Variants in DGCR8 observed in about 807,000 individuals in gnomAD.
DGCR8 encodes the protein microprocessor complex subunit DGCR8.
Under a neutral mutation model 78.5 loss-of-function variants are expected in DGCR8, and 14 were observed. That is an observed-to-expected ratio of 0.18 (90% CI 0.12 to 0.28). The LOEUF is 0.28. DGCR8 is among the 10% of genes least tolerant of loss of function. The pLI is 1.00. For missense variants in DGCR8, 702 were observed against 1,022.5 expected, an observed-to-expected ratio of 0.69 and a Z score of 4.28; for synonymous variants, 399 against 402.4, an observed-to-expected ratio of 0.99 and a Z score of 0.10.
intron 13 of DGCR8, among the ~76,000 whole-genome samples, chr22:20,109,373 C>T (rs1400998410): frequency 6.6e-6 from 1 of 152,140 alleles, no homozygotes; most frequent in African/African-American, 2.4e-5. Context: ...ACCTTGGGAA[C>T]CCCACTCAAA....
At chr22:20,094,877 C>T (rs972546099) in intron 9 of DGCR8, 82 bp downstream of exon 9, 15 of 1,257,602 alleles carry the variant, frequency 1.2e-5, no homozygotes, top group East Asian at 2.3e-5. Context: ...TGGGGGTGTC[C>T]GTGGGCTGTG....
In DGCR8 at chr22:20,092,809, A is replaced by G; in HGVS notation, c.1607A>G (p.Glu536Gly). ...VRPVYNFFEC[E>G]NPSEPFGASV... ...TAAAACAAGTAATTTTAATTTTAAG[A>G]GAACCCAAGTGAGCCTTTTGGTGCC... is the stretch of plus-strand genomic sequence containing the variant. Residue 536 changes from glutamate (E) to glycine (G), a missense_variant and splice_region_variant, in exon 8 of 14, where the codon GAG (glutamate) becomes GGG (glycine). Transcript: ENST00000351989. 1 of 1,611,248 alleles carries G rather than the reference A, an allele frequency of 6.2e-7. No homozygotes were observed. The highest frequency in any genetic ancestry group is 2.2e-5 in the East Asian group (1 of 44,818).
chr22:20,089,552 G>T lies in DGCR8; in HGVS notation c.881-117G>T. 8.7e-7 allele frequency: 1 copy of T among 1,148,766 alleles called. No homozygotes were observed. The highest frequency in any genetic ancestry group is 2.0e-5 in the Admixed American group (1 of 51,254). 71.2% of individuals were successfully genotyped at this position (1,148,766 alleles called of 1,614,324 possible). Reference sequence around the variant, plus strand: ...AGGCAGAGAGGAATTTCGATTATCTGTGAAGACCCAGTTAAACACATGCTA... The same window carrying T: ...AGGCAGAGAGGAATTTCGATTATCTTTGAAGACCCAGTTAAACACATGCTA... On this transcript the variant is annotated intron_variant, in intron 3 of 13. Transcript: ENST00000351989. The surrounding 1 kb of genome is among the most constrained non-coding windows in gnomAD (Gnocchi z 4.9).
Position 20,086,190 on chromosome 22 carries a change from C to G in DGCR8, c.227C>G (p.Ser76Cys). 6.2e-7 allele frequency: 1 copy of G among 1,614,192 alleles called. No individual in the cohort carries two copies. The change falls in exon 2 of 14, where the codon TCC becomes TGC. Residue 76 changes from serine to cysteine, a missense_variant. Transcript: ENST00000351989. This position sits in a 1 kb window ranked among gnomAD's most constrained non-coding sequence, Gnocchi z 6.4. Reference sequence around the variant, plus strand: ...AACTTCTACGGAGCTTCTCTTCTCTCCAAAGGATCCTTCTCTAAGGGCCGC... The same window carrying G: ...AACTTCTACGGAGCTTCTCTTCTCTGCAAAGGATCCTTCTCTAAGGGCCGC... ...PFNFYGASLL[S>C]KGSFSKGRLL... is the part of the protein sequence containing the mutation.
At chr22:20,091,313 G>C in intron 5 of DGCR8, 122 bp from the exon 6 acceptor site, 1 of 962,094 alleles carries the variant, frequency 1.0e-6, no homozygotes, top group South Asian at 1.5e-5. Context: ...CCTCCCCTTT[G>C]AAAGGGACGG....
Position 20,110,187 on chromosome 22 carries a change from A to G in DGCR8, c.*79A>G. The G allele has an allele frequency of 1.4e-6, 2 of 1,453,676 alleles. No individual in the cohort carries two copies. The highest frequency in any genetic ancestry group is 1.9e-6 in the Non-Finnish European group (2 of 1,054,232). The allele number at this position is 1,453,676 out of a possible 1,614,324, so 90.0% of individuals were successfully genotyped here. A position where few individuals can be genotyped will look rare whatever the true frequency, so the allele number is the denominator to read the frequency against. ...CCAGCAGTCATGCATCGTGCACCAC[A>G]GTGTCAGGCCTCCAACCCACGCTCC... is the stretch of plus-strand genomic sequence containing the variant. On this transcript the variant is annotated 3_prime_UTR_variant, in exon 14 of 14. Transcript: ENST00000351989.
intron 13 of DGCR8, 184 bp downstream of exon 13, chr22:20,109,187 TCA>T: frequency 2.0e-6 from 1 of 490,990 alleles, no homozygotes; most frequent in Non-Finnish European, 3.8e-6. Context: ...ATAAATCACT[TCA>T]GTTTTGGTTC....
chr22:20,104,577 C>T (rs1269044176), intron 9 of DGCR8, among the ~76,000 whole-genome samples: 2 of 152,148 alleles, frequency 1.3e-5, no homozygotes, highest in African/African-American at 4.8e-5. Context: ...TATGTGGGTT[C>T]TTGTGGGCCG....
intron 9 of DGCR8, chr22:20,101,467 A>G: frequency 1.2e-5 from 9 of 729,018 alleles, no homozygotes; most frequent in Non-Finnish European, 1.5e-5. Flanking sequence ...AGTCCCAGCT[A>G]CTCGGGAGGC....
intron 8 of DGCR8, 143 bp downstream of exon 8, chr22:20,093,050 G>GTA (rs1326267968): frequency 1.7e-6 from 1 of 603,238 alleles, no homozygotes; most frequent in African/African-American, 1.9e-5. Context: ...CATCTACTTT[G>GTA]ATTTTTAAAA....
At chr22:20,097,328 C>T (rs1012213888) in intron 9 of DGCR8, among the ~76,000 whole-genome samples, 1 of 152,194 alleles carries the variant, frequency 6.6e-6, no homozygotes, top group Non-Finnish European at 1.5e-5. Context: ...TCCAGAGCTA[C>T]TTAATTGCTA....
intron 9 of DGCR8, among the ~76,000 whole-genome samples, chr22:20,097,196 T>C (rs955150045): frequency 1.3e-5 from 2 of 152,206 alleles, no homozygotes; most frequent in Non-Finnish European, 2.9e-5. Context: ...CCTCATAAAA[T>C]GGTTGGAACA....
At chr22:20,095,086 T>A (rs994064571) in intron 9 of DGCR8, among the ~76,000 whole-genome samples, 1 of 152,132 alleles carries the variant, frequency 6.6e-6, no homozygotes, top group Admixed American at 6.5e-5. Context: ...TGGGAATGAA[T>A]CTTTGAGGCA....
At chr22:20,100,780 C>T in intron 9 of DGCR8, 1 of 985,356 alleles carries the variant, frequency 1.0e-6, no homozygotes, top group Non-Finnish European at 1.2e-6. Context: ...CTGTAGACTC[C>T]CCTGCCTGGG....
In DGCR8 at chr22:20,086,018, GTGA is replaced by G; in HGVS notation, c.58_60del (p.Met20del). On this transcript the variant is annotated inframe_deletion, in exon 2 of 14. Transcript: ENST00000351989. This position sits in a 1 kb window ranked among gnomAD's most constrained non-coding sequence, Gnocchi z 6.4. ...CCCGTGTGGGCCCGCAGGAGAAGCGGTGATGGAGAGCCGAGCTCGCCCCTTCCA... is the reference window on the plus strand; with the variant it reads ...CCCGTGTGGGCCCGCAGGAGAAGCGGTGGAGAGCCGAGCTCGCCCCTTCCA... 2.5e-6 allele frequency: 4 copies of G among 1,613,088 alleles called. No individual in the cohort carries two copies. The highest frequency in any genetic ancestry group is 3.4e-6 in the Non-Finnish European group (4 of 1,179,636).
rs761204926 is a variant in DGCR8, at chr22:20,086,393, G to T, written c.430G>T (p.Val144Leu). 6.8e-6 allele frequency: 11 copies of T among 1,613,892 alleles called. No individual in the cohort carries two copies. Among genetic ancestry groups the T allele is most frequent in the African/African-American group, 2.7e-5 (2 of 74,920 alleles). ...KVLYTGAERD[V>L]RAECGLLLSP... is the part of the protein sequence containing the mutation. ...GCTGTACACAGGAGCAGAGCGCGAC[G>T]TGCGGGCGGAGTGCGGTCTGCTCCT... Residue 144 changes from valine to leucine, a missense_variant, in exon 2 of 14, where the codon GTG (valine) becomes TTG (leucine). By Grantham distance (32) the Val-to-Leu change is conservative. Transcript: ENST00000351989. The surrounding 1 kb of genome is among the most constrained non-coding windows in gnomAD (Gnocchi z 6.4).
chr22:20,093,332 G>A (rs940546487), intron 8 of DGCR8, among the ~76,000 whole-genome samples: 6 of 152,008 alleles, frequency 3.9e-5, no homozygotes, highest in African/African-American at 1.2e-4. Context: ...GTGAACAAGC[G>A]AGGCAGAGCT....
At chr22:20,100,406 T>C (rs185885852) in intron 9 of DGCR8, 24 of 985,366 alleles carry the variant, frequency 2.4e-5, no homozygotes, top group African/African-American at 1.4e-4. Flanking sequence ...GTGGGAAATA[T>C]GGCTCCCAGG....
chr22:20,097,299 G>T (rs969872107), intron 9 of DGCR8, among the ~76,000 whole-genome samples: 3 of 152,128 alleles, frequency 2.0e-5, no homozygotes, highest in African/African-American at 7.2e-5. Flanking sequence ...GAAACCTTCT[G>T]GTCCCAGGCT....
Sources: gnomAD v4.1 joint callset for allele counts (sites outside exome capture counted in the v4.1 genomes callset) on GRCh38, gnomAD v4.1.1 for gene constraint, Gnocchi (gnomAD v3.1) non-coding constraint, MANE v1.5 for transcripts, NCBI Gene and HGNC (gene_info 2026-07-23, HGNC 2026-07-21) for gene names.